DPYS: variants seen among roughly 807,000 people sequenced by gnomAD.
DPYS encodes dihydropyrimidine amidohydrolase.
In DPYS, 39 loss-of-function variants were observed where a neutral mutation model predicts 50.3. The observed-to-expected ratio is 0.78, with a 90% CI of 0.60 to 1.01. The LOEUF (loss-of-function observed/expected upper bound fraction) is 1.01. Ranked by LOEUF, DPYS falls within the 50% of genes least tolerant of loss-of-function variation. The pLI is 0.00. For synonymous variants in DPYS, 245 were observed against 250.7 expected (o/e 0.98, Z 0.22); for missense variants, 659 against 680.9 (o/e 0.97, Z 0.36).
intron 7 of DPYS, chr8:104,420,648 C>T (rs1812509613): frequency 1.3e-5 from 2 of 149,280 alleles, no homozygotes; most frequent in Admixed American, 1.3e-4. Flanking sequence ...TCAAAGAAAT[C>T]CAAGGGAGGC....
intron 7 of DPYS, among the ~76,000 whole-genome samples, chr8:104,407,714 A>G (rs574112834): frequency 3.2e-4 from 48 of 152,374 alleles, no homozygotes; most frequent in African/African-American, 1.1e-3. Context: ...TTAAAAACAA[A>G]ACTACAACTT....
rs1317444264 is a variant in DPYS at position 104,392,809 on chromosome 8, T to C, written c.1418A>G (p.Tyr473Cys). 2 of 1,614,174 alleles carry C rather than the reference T, an allele frequency of 1.2e-6. No individual in the cohort carries two copies. Among genetic ancestry groups the C allele is most frequent in the Admixed American group, 3.3e-5 (2 of 60,026 alleles). ...CCGGTCTCGCTGCTTTATTCGTTTG[T>C]AAATATATTCAGCAAATGGTTTTCG... Reference protein sequence around the residue: ...IPRKPFAEYIYKRIKQRDRTC... With the variant: ...IPRKPFAEYICKRIKQRDRTC... Residue 473 changes from tyrosine to cysteine, a missense_variant, in exon 8 of 10, where the codon TAC becomes TGC. Transcript: ENST00000351513.
intron 8 of DPYS, among the ~76,000 whole-genome samples, chr8:104,385,761 A>C (rs1811193244): frequency 6.6e-6 from 1 of 152,184 alleles, no homozygotes; most frequent in Non-Finnish European, 1.5e-5. Flanking sequence ...ATAAAATGAC[A>C]AGTTTGGCCC....
At chr8:104,451,509 G>A (rs1270154057) in intron 1 of DPYS, 105 bp from the exon 2 acceptor site, 6 of 1,443,478 alleles carry the variant, frequency 4.2e-6, no homozygotes, top group Non-Finnish European at 5.7e-6. Flanking sequence ...AAACTCGATG[G>A]GTCCAGGAAA....
At chr8:104,407,241 A>G (rs1812027369) in intron 7 of DPYS, among the ~76,000 whole-genome samples, 1 of 152,230 alleles carries the variant, frequency 6.6e-6, no homozygotes, top group Non-Finnish European at 1.5e-5. Context: ...CACAGTGTAT[A>G]TGACTCAAAT....
intron 5 of DPYS, among the ~76,000 whole-genome samples, 199 bp from the exon 6 acceptor site, chr8:104,428,320 T>C (rs1395629108): frequency 6.6e-6 from 1 of 152,224 alleles, no homozygotes; most frequent in Non-Finnish European, 1.5e-5. Flanking sequence ...GAGGACACAC[T>C]GATCGGAAGC....
chr8:104,395,503 CTA>C (rs1811548418), intron 7 of DPYS, among the ~76,000 whole-genome samples: 1 of 152,146 alleles, frequency 6.6e-6, no homozygotes, highest in Non-Finnish European at 1.5e-5. Context: ...AACCACTGAT[CTA>C]TTCTTCATCA....
intron 1 of DPYS, among the ~76,000 whole-genome samples, chr8:104,457,023 T>C (rs986006438): frequency 6.6e-6 from 1 of 152,332 alleles, no homozygotes; most frequent in Admixed American, 6.5e-5. Context: ...AAACTGAGGA[T>C]AGTATTGAAC....
intron 4 of DPYS, among the ~76,000 whole-genome samples, chr8:104,439,978 C>T (rs1813288395): frequency 6.6e-6 from 1 of 152,118 alleles, no homozygotes; most frequent in South Asian, 2.1e-4. Flanking sequence ...ATTCACCAAT[C>T]TCTCCCAAGC....
At chr8:104,397,380 T>C (rs775059874) in intron 7 of DPYS, among the ~76,000 whole-genome samples, 1 of 152,228 alleles carries the variant, frequency 6.6e-6, no homozygotes, top group Admixed American at 6.5e-5. Context: ...TAAACATTTA[T>C]GTGATGATCA....
chr8:104,457,249 G>A (rs1813957042), intron 1 of DPYS, among the ~76,000 whole-genome samples: 1 of 152,152 alleles, frequency 6.6e-6, no homozygotes, highest in Non-Finnish European at 1.5e-5. Flanking sequence ...TGATAACCGA[G>A]CCAACTACTA....
chr8:104,448,156 CTT>C (rs35179334), intron 2 of DPYS, among the ~76,000 whole-genome samples: 30 of 137,924 alleles, frequency 2.2e-4, no homozygotes, highest in Admixed American at 2.9e-4. Flanking sequence ...AACAATTGCT[CTT>C]TTTTTTTTTT....
At position 104,412,397 on chromosome 8, in the gene DPYS, G is replaced by A. The variant is rs1564090167; in HGVS notation, c.1235+11850C>T. ...TGTGAAAATGTGGCTATAAAGAGAG[G>A]TACTGATTAATAGGAAACAGTTATA... On this transcript the variant is annotated intron_variant, in intron 7 of 9. Coordinates refer to ENST00000351513, the MANE Select transcript of DPYS (RefSeq NM_001385.3). Among the ~76,000 whole-genome samples the A allele has an allele frequency of 2.6e-5, 4 of 152,254 alleles. No homozygotes were observed. In the South Asian group the frequency reaches 6.2e-4, roughly 24 times the overall value.
At chr8:104,413,295 T>C (rs924760365) in intron 7 of DPYS, among the ~76,000 whole-genome samples, 1 of 151,650 alleles carries the variant, frequency 6.6e-6, no homozygotes, top group Non-Finnish European at 1.5e-5. Flanking sequence ...ACAATTCATA[T>C]GAAGCTAAGA....
intron 8 of DPYS, among the ~76,000 whole-genome samples, chr8:104,386,180 C>T (rs900556226): frequency 6.6e-6 from 1 of 152,100 alleles, no homozygotes; most frequent in Admixed American, 6.5e-5. Context: ...TTCATAACTG[C>T]AGAAATGCCT....
intron 1 of DPYS, among the ~76,000 whole-genome samples, chr8:104,462,749 T>C (rs1814215265): frequency 6.6e-6 from 1 of 152,248 alleles, no homozygotes; most frequent in Non-Finnish European, 1.5e-5. Context: ...AAAGTCACGA[T>C]TCTTTCAAAT....
chr8:104,412,502 C>G (rs796352137), intron 7 of DPYS, among the ~76,000 whole-genome samples: 1 of 152,138 alleles, frequency 6.6e-6, no homozygotes, highest in Non-Finnish European at 1.5e-5. Context: ...TGATGAAATA[C>G]GTGCAGACTC....
intron 7 of DPYS, among the ~76,000 whole-genome samples, chr8:104,421,705 C>A (rs1812554187): frequency 6.6e-6 from 1 of 152,098 alleles, no homozygotes; most frequent in South Asian, 2.1e-4. Flanking sequence ...AATGTAAAAA[C>A]ATAGGAGCTT....
At chr8:104,398,030 C>T (rs1253211728) in intron 7 of DPYS, among the ~76,000 whole-genome samples, 1 of 152,240 alleles carries the variant, frequency 6.6e-6, no homozygotes, top group African/African-American at 2.4e-5. Flanking sequence ...GGAACAAACG[C>T]AAGTTCAGAG....
Sources: gnomAD v4.1 joint callset for allele counts (sites outside exome capture counted in the v4.1 genomes callset) on GRCh38, gnomAD v4.1.1 for gene constraint, MANE v1.5 for transcripts, NCBI Gene and HGNC (gene_info 2026-07-23, HGNC 2026-07-21) for gene names.